The following ZNHIT6 variants were observed in gnomAD, a reference collection of about 807,000 sequenced individuals.
The protein encoded by ZNHIT6 is zinc finger HIT-type containing 6.
In ZNHIT6, 45 loss-of-function variants were observed where a neutral mutation model predicts 57.2. The observed-to-expected ratio is 0.79, with a 90% CI of 0.62 to 1.01. ZNHIT6 has a LOEUF of 1.01. Among genes scored for constraint, ZNHIT6 ranks in the 50% least tolerant of loss-of-function variants. The pLI, the probability that ZNHIT6 is intolerant of heterozygous loss-of-function variation, is 0.00. For synonymous variants in ZNHIT6, 188 were observed against 190.0 expected (o/e 0.99, Z 0.09); for missense variants, 528 against 567.3 (o/e 0.93, Z 0.70).
chr1:85,699,589 A>T (rs2100715112), intron 5 of ZNHIT6, among the ~76,000 whole-genome samples: 1 of 152,272 alleles, frequency 6.6e-6, no homozygotes, highest in Admixed American at 6.5e-5. Flanking sequence ...GGTATAACTA[A>T]AATAGGCACT....
intron 5 of ZNHIT6, 72 bp downstream of exon 5, chr1:85,702,085 T>A: frequency 9.5e-7 from 1 of 1,050,132 alleles, no homozygotes; most frequent in Admixed American, 2.3e-5. Flanking sequence ...CAATGCTCTA[T>A]AGCAACCAAA....
intron 5 of ZNHIT6, among the ~76,000 whole-genome samples, chr1:85,687,011 T>G (rs1662063711): frequency 6.6e-6 from 1 of 151,908 alleles, no homozygotes; most frequent in Admixed American, 6.6e-5. Flanking sequence ...GGCTCATTCC[T>G]GTAATCCCAG....
chr1:85,677,404 A>G, intron 7 of ZNHIT6, 91 bp from the exon 8 acceptor site: 1 of 906,352 alleles, frequency 1.1e-6, no homozygotes, highest in Non-Finnish European at 1.6e-6. Flanking sequence ...ACCTAATAAT[A>G]CTTAAAAGTT....
chr1:85,688,712 G>A (rs1038089360), intron 5 of ZNHIT6, among the ~76,000 whole-genome samples: 6 of 152,138 alleles, frequency 3.9e-5, no homozygotes, highest in Admixed American at 3.9e-4. Context: ...CCTAATCATG[G>A]TGAAGTTCAG....
chr1:85,664,044 G>A (rs1212123315), intron 8 of ZNHIT6, among the ~76,000 whole-genome samples: 1 of 152,110 alleles, frequency 6.6e-6, no homozygotes, highest in Non-Finnish European at 1.5e-5. Context: ...TGATCTTCTT[G>A]TGGAGAATAT....
intron 5 of ZNHIT6, among the ~76,000 whole-genome samples, chr1:85,681,595 T>G (rs1661874205): frequency 6.6e-6 from 1 of 152,224 alleles, no homozygotes; most frequent in Non-Finnish European, 1.5e-5. Flanking sequence ...TTTTCCTTAC[T>G]TAGAAGAAAT....
In ZNHIT6 at chr1:85,652,904, A is replaced by C. The variant is rs10791; in HGVS notation, c.*1154T>G. Reference sequence around the variant, plus strand: ...TAAGAATTTTTTTTCAGTACATGAGATCAAACTGTATACAGAGCTGCCATA... The same window carrying C: ...TAAGAATTTTTTTTCAGTACATGAGCTCAAACTGTATACAGAGCTGCCATA... On this transcript the variant is annotated 3_prime_UTR_variant, in exon 10 of 10. Transcript: ENST00000370574. 3 of 152,116 alleles carry C rather than the reference A, an allele frequency of 2.0e-5. No homozygotes were observed. The highest frequency in any genetic ancestry group is 2.9e-5 in the Non-Finnish European group (2 of 68,012). The allele number at this position is 152,116 out of a possible 1,614,324, so 9.4% of individuals were successfully genotyped here. A position where few individuals can be genotyped will look rare whatever the true frequency, so the allele number is the denominator to read the frequency against.
intron 1 of ZNHIT6, 76 bp from the exon 2 acceptor site, chr1:85,706,583 A>C: frequency 1.5e-6 from 2 of 1,295,246 alleles, no homozygotes; most frequent in South Asian, 3.7e-5. Context: ...TTCCCAATCA[A>C]TTTATAAACT....
chr1:85,696,996 G>A (rs904986445), intron 5 of ZNHIT6, among the ~76,000 whole-genome samples: 18 of 151,082 alleles, frequency 1.2e-4, no homozygotes, highest in African/African-American at 4.1e-4. Flanking sequence ...GAGTAGCTGG[G>A]ACTACAGGCG....
chr1:85,650,607 T>G lies in ZNHIT6; in HGVS notation c.*3451A>C, dbSNP rs750851428. On this transcript the variant is annotated 3_prime_UTR_variant, in exon 10 of 10. Coordinates refer to ENST00000370574, the MANE Select transcript of ZNHIT6 (RefSeq NM_017953.4). ...AACTTATTTTTAAAAAGAGTTTTAT[T>G]TGGCTCATGATTCTGGTGGCTGGAA... The G allele has an allele frequency of 2.0e-5, 3 of 152,228 alleles. No homozygotes were observed. Among genetic ancestry groups the G allele is most frequent in the Non-Finnish European group, 4.4e-5 (3 of 68,052 alleles). 9.4% of individuals were successfully genotyped at this position (152,228 alleles called of 1,614,324 possible).
chr1:85,702,067 TG>T (rs1381853962), intron 5 of ZNHIT6, 89 bp downstream of exon 5: 2 of 770,262 alleles, frequency 2.6e-6, no homozygotes, highest in Admixed American at 5.6e-5. Context: ...GAACCACACT[TG>T]GGGTAGCAAT....
intron 9 of ZNHIT6, among the ~76,000 whole-genome samples, chr1:85,655,339 C>T (rs1411187334): frequency 1.3e-5 from 2 of 151,934 alleles, no homozygotes; most frequent in Non-Finnish European, 2.9e-5. Flanking sequence ...GAAAGGTGAG[C>T]GAGGGAGAAT....
intron 8 of ZNHIT6, among the ~76,000 whole-genome samples, chr1:85,667,961 A>AAAAAAAAAAAAAAAAAAATGT: frequency 5.5e-5 from 1 of 18,200 alleles, no homozygotes; most frequent in Non-Finnish European, 9.9e-5. Flanking sequence ...AAAAAAAAAA[A>AAAAAAAAAAAAAAAAAAATGT]ATATATATAT....
intron 5 of ZNHIT6, among the ~76,000 whole-genome samples, chr1:85,700,893 G>A (rs1021617727): frequency 6.6e-6 from 1 of 151,868 alleles, no homozygotes; most frequent in Non-Finnish European, 1.5e-5. Flanking sequence ...TGCAACCTCC[G>A]CCTCCTGTGC....
intron 1 of ZNHIT6, among the ~76,000 whole-genome samples, chr1:85,706,966 TA>T (rs1167172795): frequency 6.6e-6 from 1 of 152,192 alleles, no homozygotes; most frequent in Non-Finnish European, 1.5e-5. Flanking sequence ...ACTCCACGCC[TA>T]ATCTAGAATG....
In ZNHIT6 at chr1:85,706,237, A is replaced by G. The variant is rs1290596302; in HGVS notation, c.829+12T>C. 1 of 1,609,558 alleles carries G rather than the reference A, an allele frequency of 6.2e-7. No homozygotes were observed. ...CAGGAAGCCTCAATTTGCTATGCAT[A>G]AAGTGGCTTACCACTTAGGAGATTC... On this transcript the variant is annotated intron_variant, in intron 3 of 9. Coordinates refer to ENST00000370574, the MANE Select transcript of ZNHIT6 (RefSeq NM_017953.4).
intron 8 of ZNHIT6, among the ~76,000 whole-genome samples, chr1:85,671,918 T>C (rs1261022561): frequency 1.3e-5 from 2 of 152,210 alleles, no homozygotes; most frequent in African/African-American, 2.4e-5. Context: ...AATAAACTTT[T>C]ATTTATTATA....
At chr1:85,696,641 A>G (rs994888959) in intron 5 of ZNHIT6, among the ~76,000 whole-genome samples, 1 of 152,102 alleles carries the variant, frequency 6.6e-6, no homozygotes. Context: ...TAACATTTTA[A>G]GATGTAATAT....
At chr1:85,673,032 T>C (rs1041697705) in intron 8 of ZNHIT6, among the ~76,000 whole-genome samples, 7 of 152,194 alleles carry the variant, frequency 4.6e-5, no homozygotes, top group Non-Finnish European at 8.8e-5. Flanking sequence ...TGATAGTGCC[T>C]GACATTTAGC....
Sources: gnomAD v4.1 joint callset for allele counts (sites outside exome capture counted in the v4.1 genomes callset) on GRCh38, gnomAD v4.1.1 for gene constraint, MANE v1.5 for transcripts, NCBI Gene and HGNC (gene_info 2026-07-23, HGNC 2026-07-21) for gene names.